Variants in TFPI observed in about 807,000 individuals in gnomAD.
TFPI encodes tissue factor pathway inhibitor.
TFPI carries 15 observed loss-of-function variants against 34.6 expected under a neutral mutation model. The observed-to-expected ratio is 0.43, with a 90% confidence interval of 0.29 to 0.67. TFPI has a LOEUF of 0.67. Ranked by LOEUF, TFPI falls within the 30% of genes least tolerant of loss-of-function variation. TFPI has a pLI of 0.15. For missense variants in TFPI, 301 were observed against 364.0 expected, an observed-to-expected ratio of 0.83 and a Z score of 1.41; for synonymous variants, 105 against 120.1, an observed-to-expected ratio of 0.87 and a Z score of 0.82.
intron 1 of TFPI, chr2:187,516,636 C>A (rs537132435): frequency 6.6e-6 from 1 of 152,154 alleles, no homozygotes; most frequent in Non-Finnish European, 1.5e-5. Flanking sequence ...GACCACCTCT[C>A]ATATTGTCTT....
intron 2 of TFPI, among the ~76,000 whole-genome samples, chr2:187,500,207 T>A (rs949565268): frequency 1.3e-5 from 2 of 152,178 alleles, no homozygotes; most frequent in African/African-American, 4.8e-5. Context: ...CAATAGCTAA[T>A]GTTGCTCACT....
intron 1 of TFPI, among the ~76,000 whole-genome samples, chr2:187,537,184 C>T (rs1381233356): frequency 6.6e-6 from 1 of 152,184 alleles, no homozygotes; most frequent in Admixed American, 6.5e-5. Flanking sequence ...AGATTCAATG[C>T]TATCCCCATC....
At chr2:187,492,468 G>T (rs1685181646) in intron 3 of TFPI, among the ~76,000 whole-genome samples, 1 of 152,144 alleles carries the variant, frequency 6.6e-6, no homozygotes, top group African/African-American at 2.4e-5. Flanking sequence ...TTATTGAATA[G>T]AGTGCCCATT....
intron 3 of TFPI, among the ~76,000 whole-genome samples, chr2:187,490,919 G>A (rs886920619): frequency 7.3e-5 from 11 of 151,296 alleles, no homozygotes; most frequent in African/African-American, 2.4e-4. Context: ...TTGCTTTAAG[G>A]ATTATAATGT....
chr2:187,544,421 C>A (rs113192962), intron 1 of TFPI: 162 of 152,138 alleles, frequency 1.1e-3, no homozygotes, highest in African/African-American at 3.6e-3. Context: ...AACAATGAAG[C>A]AAAACATTCT....
At chr2:187,477,330 G>A (rs1692443931) in intron 6 of TFPI, among the ~76,000 whole-genome samples, 1 of 152,180 alleles carries the variant, frequency 6.6e-6, no homozygotes, top group East Asian at 1.9e-4. Context: ...AGAATATGAG[G>A]CTCCAGATTT....
At chr2:187,543,571 A>G (rs1253941799) in intron 1 of TFPI, among the ~76,000 whole-genome samples, 1 of 152,246 alleles carries the variant, frequency 6.6e-6, no homozygotes, top group African/African-American at 2.4e-5. Flanking sequence ...TTGTTTGCTC[A>G]TGAAACATTC....
intron 6 of TFPI, among the ~76,000 whole-genome samples, chr2:187,481,182 A>C (rs1692829615): frequency 1.3e-5 from 2 of 152,224 alleles, no homozygotes; most frequent in South Asian, 2.1e-4. Flanking sequence ...GTTGTGGGGC[A>C]GATTATTATT....
At chr2:187,517,878 C>A (rs1687114471) in intron 1 of TFPI, 1 of 152,096 alleles carries the variant, frequency 6.6e-6, no homozygotes, top group African/African-American at 2.4e-5. Flanking sequence ...TTCATTGATC[C>A]CTTTACCATT....
chr2:187,493,722 C>T (rs536917058), intron 3 of TFPI, among the ~76,000 whole-genome samples: 10 of 152,224 alleles, frequency 6.6e-5, no homozygotes, highest in African/African-American at 1.4e-4. Flanking sequence ...CAACATTCCA[C>T]GAATCTCTAG....
intron 3 of TFPI, among the ~76,000 whole-genome samples, chr2:187,491,079 A>G (rs1685091374): frequency 6.6e-6 from 1 of 151,942 alleles, no homozygotes; most frequent in South Asian, 2.1e-4. Flanking sequence ...CTGCTGCTCT[A>G]CCAGGAATAA....
intron 1 of TFPI, among the ~76,000 whole-genome samples, chr2:187,538,242 C>T (rs1688373839): frequency 6.6e-6 from 1 of 152,144 alleles, no homozygotes; most frequent in African/African-American, 2.4e-5. Context: ...TGGGTATACA[C>T]CCAAAGGATT....
At chr2:187,478,887 G>T in intron 6 of TFPI, 1 of 1,126,256 alleles carries the variant, frequency 8.9e-7, no homozygotes, top group East Asian at 2.4e-5. Flanking sequence ...GGTGGGGGAA[G>T]TCTATAAACT....
At chr2:187,473,636 G>C (rs978515825) in intron 6 of TFPI, among the ~76,000 whole-genome samples, 15 of 152,038 alleles carry the variant, frequency 9.9e-5, no homozygotes, top group African/African-American at 3.1e-4. Context: ...ATTGGAATCT[G>C]TTTCTGAGTA....
intron 1 of TFPI, among the ~76,000 whole-genome samples, chr2:187,522,969 T>C (rs1687487762): frequency 6.6e-6 from 1 of 151,762 alleles, no homozygotes; most frequent in Non-Finnish European, 1.5e-5. Context: ...TTGGAAGGTG[T>C]TGAATATGTC....
At chr2:187,474,312 A>G (rs1312541051) in intron 6 of TFPI, among the ~76,000 whole-genome samples, 1 of 152,118 alleles carries the variant, frequency 6.6e-6, no homozygotes, top group African/African-American at 2.4e-5. Context: ...GGGTGAAGGA[A>G]AGTGAAAACA....
At chr2:187,478,615 T>G in intron 6 of TFPI, 1 of 1,566,388 alleles carries the variant, frequency 6.4e-7, no homozygotes, top group Non-Finnish European at 8.6e-7. Context: ...TTATTAGCAG[T>G]ATGCTATCAA....
At chr2:187,501,949 TAA>T (rs1685880558) in intron 2 of TFPI, among the ~76,000 whole-genome samples, 1 of 152,190 alleles carries the variant, frequency 6.6e-6, no homozygotes, top group Non-Finnish European at 1.5e-5. Flanking sequence ...TTTCTATTAA[TAA>T]GAGTACCTTA....
chr2:187,485,409 G>A (rs765179850), intron 4 of TFPI, among the ~76,000 whole-genome samples: 18 of 151,708 alleles, frequency 1.2e-4, no homozygotes, highest in Non-Finnish European at 1.5e-5. Flanking sequence ...ATTGTAGTGC[G>A]TTGCTCCATT....
Sources: gnomAD v4.1 joint callset for allele counts (sites outside exome capture counted in the v4.1 genomes callset) on GRCh38, gnomAD v4.1.1 for gene constraint, MANE v1.5 for transcripts, NCBI Gene and HGNC (gene_info 2026-07-23, HGNC 2026-07-21) for gene names.